NEXN: variants seen among roughly 807,000 people sequenced by gnomAD.
The protein encoded by NEXN is nexilin F-actin binding protein, also known as nexilin.
NEXN carries 65 observed loss-of-function variants against 92.6 expected under a neutral mutation model. The ratio of observed to expected loss-of-function variants is 0.70; its 90% confidence interval spans 0.57 to 0.86. NEXN has a LOEUF of 0.86. Among genes scored for constraint, NEXN ranks in the 40% least tolerant of loss-of-function variants. NEXN has a pLI of 0.00. For missense variants in NEXN, 778 were observed against 771.1 expected (o/e 1.01, Z -0.11); for synonymous variants, 254 against 242.5 (o/e 1.05, Z -0.44).
intron 9 of NEXN, among the ~76,000 whole-genome samples, chr1:77,931,328 G>C (rs1441515887): frequency 7.2e-6 from 1 of 138,216 alleles, no homozygotes; most frequent in Admixed American, 8.1e-5. Flanking sequence ...CAGGAGAATC[G>C]CATGAACCTG....
Position 77,942,167 on chromosome 1 carries a change from A to G in NEXN, c.1618A>G (p.Met540Val), listed in dbSNP as rs201390657. Reference protein sequence around the residue: ...RRIEEQKLLRMQFEQREIDAA... With the variant: ...RRIEEQKLLRVQFEQREIDAA... ...AATTGAAGAACAAAAGTTACTACGCATGCAGTTTGAACAAAGGGAAATTGA... is the reference window on the plus strand; with the variant it reads ...AATTGAAGAACAAAAGTTACTACGCGTGCAGTTTGAACAAAGGGAAATTGA... The change falls in exon 12 of 13, where the codon ATG becomes GTG. Residue 540 changes from methionine to valine, a missense_variant. Met to Val is a conservative substitution (Grantham distance 21, BLOSUM62 1). Coordinates refer to ENST00000334785, the MANE Select transcript of NEXN (RefSeq NM_144573.4). 340 of 1,613,816 alleles carry G rather than the reference A, an allele frequency of 2.1e-4. 1 individual carries two copies. In the African/African-American group the frequency reaches 3.5e-3, roughly 17 times the overall value.
chr1:77,921,591 C>T (rs1253707901), intron 5 of NEXN, among the ~76,000 whole-genome samples: 1 of 151,996 alleles, frequency 6.6e-6, no homozygotes, highest in Non-Finnish European at 1.5e-5. Flanking sequence ...ACTACAGATG[C>T]ATGCCACCAT....
intron 11 of NEXN, among the ~76,000 whole-genome samples, chr1:77,938,011 G>A (rs941991148): frequency 7.9e-5 from 12 of 152,162 alleles, no homozygotes; most frequent in Admixed American, 2.0e-4. Context: ...AGTCAAAACT[G>A]GCAGGACTTG....
At chr1:77,927,047 G>A (rs529139648) in intron 8 of NEXN, among the ~76,000 whole-genome samples, 155 bp downstream of exon 8, 1 of 152,130 alleles carries the variant, frequency 6.6e-6, no homozygotes, top group South Asian at 2.1e-4. Flanking sequence ...TCTAGGCTAG[G>A]CACGGTGGCT....
chr1:77,895,559 C>T (rs539958049), intron 1 of NEXN, among the ~76,000 whole-genome samples: 4 of 152,072 alleles, frequency 2.6e-5, no homozygotes, highest in Admixed American at 2.0e-4. Flanking sequence ...TTAAGTATTA[C>T]GTTTAAAATC....
chr1:77,921,780 G>A (rs1003497950), intron 5 of NEXN, among the ~76,000 whole-genome samples: 5 of 152,024 alleles, frequency 3.3e-5, no homozygotes, highest in African/African-American at 9.7e-5. Context: ...GCATGGTGGC[G>A]CATGTCTGCA....
rs763010040 is a variant in NEXN at position 77,926,944 on chromosome 1, TTAAGA to T, written c.864+57_864+61del. 1.6e-4 allele frequency: 265 copies of T among 1,608,400 alleles called. 5 individuals carry two copies. The highest frequency in any genetic ancestry group is 3.3e-4 in the Middle Eastern group (2 of 6,054). Reference sequence around the variant, plus strand: ...ATTAATATTAATGAAGTTAGCCGACTTAAGATAAGGTTTACTACTACAAATTCAAA... The same window carrying T: ...ATTAATATTAATGAAGTTAGCCGACTTAAGGTTTACTACTACAAATTCAAA... On this transcript the variant is annotated intron_variant, in intron 8 of 12. Coordinates refer to ENST00000334785, the MANE Select transcript of NEXN (RefSeq NM_144573.4).
intron 1 of NEXN, among the ~76,000 whole-genome samples, chr1:77,896,540 G>C (rs1272470189): frequency 1.3e-5 from 2 of 152,080 alleles, no homozygotes; most frequent in Non-Finnish European, 2.9e-5. Context: ...GCCCGAGGCG[G>C]GTGGAGCTCA....
intron 1 of NEXN, among the ~76,000 whole-genome samples, chr1:77,911,971 C>A (rs1226596963): frequency 6.7e-6 from 1 of 149,646 alleles, no homozygotes; most frequent in East Asian, 2.0e-4. Flanking sequence ...CCCAGCTACT[C>A]AGGAGGCTGA....
At position 77,917,591 on chromosome 1, in the gene NEXN, T is replaced by C. The variant is rs755997246; in HGVS notation, c.53T>C (p.Val18Ala). Reference protein sequence around the residue: ...AEILLSSSKPVPKTYVPKLGK... With the variant: ...AEILLSSSKPAPKTYVPKLGK... The stretch of plus-strand genomic sequence containing the variant: ...ATTCTGCTTTCTTCATCTAAACCTG[T>C]CCCAAAAACCTATGTACCAAAACTT... The change falls in exon 3 of 13, where the codon GTC (valine) becomes GCC (alanine). Residue 18 changes from valine (V) to alanine (A), a missense_variant. This residue lies in a region of NEXN where 236 missense variants were observed against 265.6 expected (regional missense o/e 0.89). Transcript: ENST00000334785. 20 of 1,613,280 alleles carry C rather than the reference T, an allele frequency of 1.2e-5. No individual in the cohort carries two copies. The highest frequency in any genetic ancestry group is 1.6e-4 in the Middle Eastern group (1 of 6,078).
chr1:77,907,165 G>A (rs369317601), intron 1 of NEXN, among the ~76,000 whole-genome samples: 111 of 152,330 alleles, frequency 7.3e-4, no homozygotes, highest in African/African-American at 2.5e-3. Flanking sequence ...GGATAATACA[G>A]TTAATGACTA....
At chr1:77,922,171 G>A (rs1488156312) in intron 5 of NEXN, among the ~76,000 whole-genome samples, 6 of 138,802 alleles carry the variant, frequency 4.3e-5, no homozygotes, top group East Asian at 4.4e-4. Flanking sequence ...ATGGAGTCTC[G>A]CTCTGTCACC....
At position 77,918,278 on chromosome 1, in the gene NEXN, C is replaced by T. The variant is rs727503343; in HGVS notation, c.447+5C>T. On this transcript the variant is annotated splice_donor_5th_base_variant and intron_variant, in intron 5 of 12. Coordinates refer to ENST00000334785, the MANE Select transcript of NEXN (RefSeq NM_144573.4). Reference sequence around the variant, plus strand: ...TTAGCAAAAAGGGCTGAACAGGTATCACTGAAGATTAAGTTCGTATTTGTT... The same window carrying T: ...TTAGCAAAAAGGGCTGAACAGGTATTACTGAAGATTAAGTTCGTATTTGTT... 4.5e-5 allele frequency: 73 copies of T among 1,613,678 alleles called. No individual in the cohort carries two copies. Among genetic ancestry groups the T allele is most frequent in the Non-Finnish European group, 5.9e-5 (70 of 1,179,774 alleles).
At chr1:77,911,461 G>A (rs1169459984) in intron 1 of NEXN, among the ~76,000 whole-genome samples, 2 of 151,710 alleles carry the variant, frequency 1.3e-5, no homozygotes, top group African/African-American at 4.8e-5. Flanking sequence ...GCATAGTGGC[G>A]GACACCTGTA....
chr1:77,936,216 G>T (rs892190193), intron 11 of NEXN, among the ~76,000 whole-genome samples, 172 bp downstream of exon 11: 3 of 152,084 alleles, frequency 2.0e-5, no homozygotes, highest in African/African-American at 7.2e-5. Context: ...TGAAAGACTA[G>T]CATTGTTTCA....
chr1:77,925,756 G>C (rs1353414749), intron 6 of NEXN, among the ~76,000 whole-genome samples: 2 of 152,004 alleles, frequency 1.3e-5, no homozygotes, highest in Non-Finnish European at 2.9e-5. Flanking sequence ...CAAAACTACA[G>C]CCCATAAATT....
At chr1:77,903,366 G>A (rs1397105413) in intron 1 of NEXN, among the ~76,000 whole-genome samples, 2 of 152,028 alleles carry the variant, frequency 1.3e-5, no homozygotes, top group Non-Finnish European at 2.9e-5. Flanking sequence ...GAGTTCTGAA[G>A]AAACTACATT....
At chr1:77,925,273 C>A (rs781207944) in intron 6 of NEXN, 44 bp downstream of exon 6, 18 of 1,330,278 alleles carry the variant, frequency 1.4e-5, no homozygotes, top group Non-Finnish European at 1.9e-5. Context: ...CTAAAATTAT[C>A]TGATTCACAA....
intron 1 of NEXN, among the ~76,000 whole-genome samples, chr1:77,907,226 C>T (rs1056603103): frequency 2.0e-5 from 3 of 152,222 alleles, no homozygotes; most frequent in Non-Finnish European, 2.9e-5. Flanking sequence ...GTCAAATTCA[C>T]ACCTTTATCC....
Sources: allele counts gnomAD v4.1 joint callset (sites outside exome capture counted in the v4.1 genomes callset), GRCh38; gene constraint gnomAD v4.1.1; regional missense constraint gnomAD v4.1.1; transcripts MANE v1.5; gene names NCBI Gene and HGNC (gene_info 2026-07-23, HGNC 2026-07-21).